Variants in HHAT observed in about 807,000 individuals in gnomAD.
HHAT encodes hedgehog acyltransferase.
Under a neutral mutation model 70.8 loss-of-function variants are expected in HHAT, and 47 were observed. That is an observed-to-expected ratio of 0.66 (90% confidence interval 0.53 to 0.85). The LOEUF (loss-of-function observed/expected upper bound fraction) is 0.85, where lower values mean the gene tolerates loss of function less well. HHAT is among the 40% of genes least tolerant of loss of function. The pLI is 0.00. For synonymous variants in HHAT, 228 were observed against 247.6 expected (o/e 0.92, Z 0.74); for missense variants, 609 against 604.8 (o/e 1.01, Z -0.07).
At chr1:210,329,470 C>T (rs751179745) in intron 1 of HHAT, 3 of 1,038,716 alleles carry the variant, frequency 2.9e-6, no homozygotes, top group Non-Finnish European at 3.5e-6. Flanking sequence ...TGCTGTGACT[C>T]CAGGGACTCT....
At chr1:210,557,589 C>T (rs2095584290) in intron 9 of HHAT, among the ~76,000 whole-genome samples, 2 of 152,166 alleles carry the variant, frequency 1.3e-5, no homozygotes, top group South Asian at 2.1e-4. Flanking sequence ...GTTGAGGAGG[C>T]CTCAGAATCA....
intron 4 of HHAT, among the ~76,000 whole-genome samples, chr1:210,391,446 A>T (rs1392292291): frequency 1.3e-5 from 2 of 152,230 alleles, no homozygotes; most frequent in Non-Finnish European, 2.9e-5. Flanking sequence ...CTAAAATTAA[A>T]AACTTTTTAT....
intron 9 of HHAT, among the ~76,000 whole-genome samples, chr1:210,517,191 G>A (rs948579682): frequency 6.6e-6 from 1 of 152,226 alleles, no homozygotes; most frequent in Non-Finnish European, 1.5e-5. Flanking sequence ...ATAGATAACA[G>A]GGTGGCTTGT....
Position 210,456,682 on chromosome 1 carries a change from T to G in HHAT, c.857-7823T>G, listed in dbSNP as rs147342657. On this transcript the variant is annotated intron_variant, in intron 7 of 11. Coordinates refer to ENST00000261458, the MANE Select transcript of HHAT (RefSeq NM_018194.6). ...GACCATTTGTCCTTCAGCAGGCCAA[T>G]GACACTGTTGAGCTCAGAAGTGGGG... Among the ~76,000 whole-genome samples, 10 of 152,328 alleles carry G rather than the reference T, an allele frequency of 6.6e-5. No individual in the cohort carries two copies. In the East Asian group the frequency reaches 1.9e-3, roughly 29 times the overall value.
At chr1:210,590,034 G>A (rs950817771) in intron 10 of HHAT, 3 of 152,140 alleles carry the variant, frequency 2.0e-5, no homozygotes, top group East Asian at 1.9e-4. Flanking sequence ...CTATTTAGAC[G>A]ATGGACTCCT....
At chr1:210,453,209 T>G (rs535890599) in intron 7 of HHAT, among the ~76,000 whole-genome samples, 1 of 152,306 alleles carries the variant, frequency 6.6e-6, no homozygotes, top group South Asian at 2.1e-4. Flanking sequence ...CCTTTCTTTT[T>G]CCCCTCTTTT....
chr1:210,525,745 T>TA (rs1193134925), intron 9 of HHAT, among the ~76,000 whole-genome samples: 1 of 152,074 alleles, frequency 6.6e-6, no homozygotes, highest in African/African-American at 2.4e-5. Context: ...ATGTATCTTT[T>TA]AAAAAAAATT....
chr1:210,556,090 T>A (rs1049544753), intron 9 of HHAT, among the ~76,000 whole-genome samples: 4 of 152,014 alleles, frequency 2.6e-5, no homozygotes, highest in African/African-American at 9.7e-5. Context: ...GGGAGTTTAG[T>A]CTATACTCTC....
chr1:210,414,844 C>A (rs2092672551), intron 6 of HHAT, among the ~76,000 whole-genome samples: 1 of 151,994 alleles, frequency 6.6e-6, no homozygotes, highest in South Asian at 2.1e-4. Flanking sequence ...GTGGAGAAAC[C>A]CCGTCTCTAC....
chr1:210,618,789 C>T (rs1280210135), intron 10 of HHAT, among the ~76,000 whole-genome samples: 2 of 152,168 alleles, frequency 1.3e-5, no homozygotes, highest in Admixed American at 6.5e-5. Context: ...CCTGTGATTT[C>T]CAGGGAAAGG....
At chr1:210,647,316 C>T (rs2148925957) in intron 11 of HHAT, among the ~76,000 whole-genome samples, 1 of 152,282 alleles carries the variant, frequency 6.6e-6, no homozygotes, top group Non-Finnish European at 1.5e-5. Flanking sequence ...GCAAAGATCC[C>T]ACTTCCAAAT....
At position 210,588,870 on chromosome 1, in the gene HHAT, T is replaced by C. The variant is rs1246070829; in HGVS notation, c.1245+771T>C. On this transcript the variant is annotated intron_variant, in intron 10 of 11. Coordinates refer to ENST00000261458, the MANE Select transcript of HHAT (RefSeq NM_018194.6). ...TGTATATAGTAGTATAAAAAACAGC[T>C]AAGGTTTTTAAGAAGCAGTTCAACT... 7 of 152,184 alleles carry C rather than the reference T, an allele frequency of 4.6e-5. 1 individual carries two copies. Among genetic ancestry groups the C allele is most frequent in the Admixed American group, 1.3e-4 (2 of 15,278 alleles). The allele number at this position is 152,184 out of a possible 1,614,324, so 9.4% of individuals were successfully genotyped here.
At chr1:210,391,584 A>G (rs1200943721) in intron 4 of HHAT, among the ~76,000 whole-genome samples, 1 of 152,230 alleles carries the variant, frequency 6.6e-6, no homozygotes, top group Non-Finnish European at 1.5e-5. Context: ...AAAATGGTAC[A>G]AGATATGAAG....
At chr1:210,386,230 C>CTTTTTTTT (rs869305965) in intron 3 of HHAT, among the ~76,000 whole-genome samples, 186 of 69,912 alleles carry the variant, frequency 2.7e-3, no homozygotes, top group Middle Eastern at 8.6e-3. Flanking sequence ...TTCTTTTTTT[C>CTTTTTTTT]TTTTTTTTTT....
chr1:210,614,623 C>T (rs895705993), intron 10 of HHAT, among the ~76,000 whole-genome samples: 1 of 152,096 alleles, frequency 6.6e-6, no homozygotes, highest in Non-Finnish European at 1.5e-5. Flanking sequence ...CAAGTGTTCT[C>T]ATTGTTCAAT....
chr1:210,412,069 CTGTG>C (rs1367536212), intron 6 of HHAT, among the ~76,000 whole-genome samples: 1 of 152,170 alleles, frequency 6.6e-6, no homozygotes, highest in East Asian at 1.9e-4. Flanking sequence ...GTACCTGTCA[CTGTG>C]TGCTTTTGTG....
At chr1:210,518,688 G>T (rs2148599203) in intron 9 of HHAT, among the ~76,000 whole-genome samples, 1 of 152,224 alleles carries the variant, frequency 6.6e-6, no homozygotes, top group East Asian at 1.9e-4. Flanking sequence ...AGCTACTTGG[G>T]AGGCTGAGGC....
intron 1 of HHAT, among the ~76,000 whole-genome samples, chr1:210,339,085 G>C (rs1411445317): frequency 6.6e-6 from 1 of 152,110 alleles, no homozygotes; most frequent in African/African-American, 2.4e-5. Flanking sequence ...CTTAGGAACA[G>C]AGTTTCTCTG....
chr1:210,418,436 C>G (rs1345162047), intron 7 of HHAT, 111 bp downstream of exon 7: 2 of 925,804 alleles, frequency 2.2e-6, no homozygotes, highest in Admixed American at 3.0e-5. Context: ...ATAGCAAACC[C>G]TCTTTATTAT....
Sources: allele counts gnomAD v4.1 joint callset (sites outside exome capture counted in the v4.1 genomes callset), GRCh38; gene constraint gnomAD v4.1.1; transcripts MANE v1.5; gene names NCBI Gene and HGNC (gene_info 2026-07-23, HGNC 2026-07-21).